The following ADAMTS12 variants were observed in gnomAD, a reference collection of about 807,000 sequenced individuals.
ADAMTS12 encodes ADAM metallopeptidase with thrombospondin type 1 motif 12.
In ADAMTS12, 118 loss-of-function variants were observed where a neutral mutation model predicts 167.8. The observed-to-expected ratio is 0.70, with a 90% CI of 0.61 to 0.82. The LOEUF is 0.82. ADAMTS12 is among the 40% of genes least tolerant of loss of function. The pLI, the probability that ADAMTS12 is intolerant of heterozygous loss-of-function variation, is 0.00. For synonymous variants in ADAMTS12, 704 were observed against 716.9 expected, an observed-to-expected ratio of 0.98 and a Z score of 0.29; for missense variants, 1,916 against 1,998.8, an observed-to-expected ratio of 0.96 and a Z score of 0.79.
chr5:33,543,696 G>A (rs1744818984), intron 22 of ADAMTS12, among the ~76,000 whole-genome samples: 2 of 152,272 alleles, frequency 1.3e-5, no homozygotes, highest in South Asian at 4.1e-4. Context: ...GGGATGCAAG[G>A]CTGGTTCAAT....
chr5:33,583,325 A>G (rs1007619933), intron 18 of ADAMTS12, among the ~76,000 whole-genome samples: 1 of 152,148 alleles, frequency 6.6e-6, no homozygotes, highest in Non-Finnish European at 1.5e-5. Context: ...ACTGAATCTC[A>G]TTCATTCCTA....
intron 19 of ADAMTS12, among the ~76,000 whole-genome samples, chr5:33,568,330 C>A (rs1203142883): frequency 6.6e-6 from 1 of 152,126 alleles, no homozygotes; most frequent in Non-Finnish European, 1.5e-5. Context: ...AGCTCAAATG[C>A]AAGCAATTAT....
intron 3 of ADAMTS12, among the ~76,000 whole-genome samples, chr5:33,739,218 AC>A (rs1348952424): frequency 1.3e-5 from 2 of 152,078 alleles, no homozygotes; most frequent in Non-Finnish European, 2.9e-5. Context: ...GAATGTTTAA[AC>A]ACACATGTAC....
intron 3 of ADAMTS12, among the ~76,000 whole-genome samples, chr5:33,749,151 T>C (rs1356788521): frequency 6.6e-6 from 1 of 152,204 alleles, no homozygotes; most frequent in Non-Finnish European, 1.5e-5. Flanking sequence ...AGTTCCTTTT[T>C]GATGACTTAC....
At position 33,791,983 on chromosome 5, in the gene ADAMTS12, C is replaced by T. The variant is rs145402290; in HGVS notation, c.490-40435G>A. On this transcript the variant is annotated intron_variant, in intron 2 of 23. Transcript: ENST00000504830. ...CATTTATACCTAGTCTTAGCTTAAA[C>T]GTGCTTTCACACTTTTTTTTTTTTT... is the stretch of plus-strand genomic sequence containing the variant. Among the ~76,000 whole-genome samples the T allele has an allele frequency of 6.0e-3, 881 of 148,060 alleles. 17 individuals are homozygous for T. Among genetic ancestry groups the T allele is most frequent in the African/African-American group, 0.021 (830 of 40,002 alleles).
chr5:33,833,234 C>A (rs1748373046), intron 2 of ADAMTS12, among the ~76,000 whole-genome samples: 1 of 152,232 alleles, frequency 6.6e-6, no homozygotes, highest in Non-Finnish European at 1.5e-5. Context: ...ACACCTCCAA[C>A]TGCATAACAG....
chr5:33,726,834 ATG>A (rs975300497), intron 3 of ADAMTS12, among the ~76,000 whole-genome samples: 2 of 152,034 alleles, frequency 1.3e-5, no homozygotes, highest in African/African-American at 4.8e-5. Flanking sequence ...TCATCCTTAC[ATG>A]TGTGTGGTGC....
At chr5:33,595,161 T>C (rs1001455291) in intron 17 of ADAMTS12, among the ~76,000 whole-genome samples, 12 of 152,118 alleles carry the variant, frequency 7.9e-5, no homozygotes, top group African/African-American at 1.7e-4. Flanking sequence ...CCTTTCTTTT[T>C]TTTCTCTCTC....
At chr5:33,814,284 G>A (rs1408455153) in intron 2 of ADAMTS12, among the ~76,000 whole-genome samples, 2 of 152,088 alleles carry the variant, frequency 1.3e-5, no homozygotes, top group Non-Finnish European at 2.9e-5. Flanking sequence ...ATGAGATAGA[G>A]GTTGAGATTT....
chr5:33,654,228 C>A (rs968934808), intron 7 of ADAMTS12, among the ~76,000 whole-genome samples: 1 of 152,088 alleles, frequency 6.6e-6, no homozygotes, highest in South Asian at 2.1e-4. Flanking sequence ...GATAATTGCT[C>A]ATTGAAGCTT....
intron 3 of ADAMTS12, among the ~76,000 whole-genome samples, chr5:33,717,490 C>T (rs1743656439): frequency 6.6e-6 from 1 of 152,154 alleles, no homozygotes; most frequent in Non-Finnish European, 1.5e-5. Flanking sequence ...CCTCATTTTA[C>T]AGACGAGGGA....
At chr5:33,781,779 CT>C (rs1426705248) in intron 2 of ADAMTS12, among the ~76,000 whole-genome samples, 1 of 151,802 alleles carries the variant, frequency 6.6e-6, no homozygotes, top group Admixed American at 6.6e-5. Context: ...ATGTGCCATG[CT>C]GGTGTGCTGC....
chr5:33,698,951 G>A (rs1200218566), intron 3 of ADAMTS12, among the ~76,000 whole-genome samples: 1 of 152,174 alleles, frequency 6.6e-6, no homozygotes, highest in African/African-American at 2.4e-5. Context: ...GAGGTCAGGA[G>A]TTCGAGACAA....
At chr5:33,791,369 A>G (rs958414422) in intron 2 of ADAMTS12, among the ~76,000 whole-genome samples, 3 of 152,222 alleles carry the variant, frequency 2.0e-5, no homozygotes, top group African/African-American at 7.2e-5. Context: ...ACTGTAAAAT[A>G]AGGGAGTTGG....
chr5:33,581,739 C>T (rs566654705), intron 18 of ADAMTS12, among the ~76,000 whole-genome samples: 4 of 152,142 alleles, frequency 2.6e-5, no homozygotes, highest in African/African-American at 9.6e-5. Flanking sequence ...CCCAATGCCC[C>T]CAATCTCAGA....
At chr5:33,606,646 T>C (rs4560551) in intron 16 of ADAMTS12, among the ~76,000 whole-genome samples, 88,163 of 151,986 alleles carry the variant, frequency 0.58, 25,848 homozygotes, top group East Asian at 0.82. Flanking sequence ...CTGACTAGAA[T>C]CTGTGGAGAA....
intron 11 of ADAMTS12, among the ~76,000 whole-genome samples, chr5:33,641,501 A>G (rs1740441008): frequency 6.6e-6 from 1 of 152,254 alleles, no homozygotes; most frequent in Admixed American, 6.5e-5. Context: ...TTAATTGTAT[A>G]ATCTCCTAGA....
At chr5:33,668,769 C>A (rs1741568071) in intron 5 of ADAMTS12, among the ~76,000 whole-genome samples, 1 of 152,218 alleles carries the variant, frequency 6.6e-6, no homozygotes, top group Admixed American at 6.5e-5. Context: ...CAGGCGTGAG[C>A]CTCCACACCC....
Position 33,624,225 on chromosome 5 carries a change from T to C in ADAMTS12, c.2143+6A>G, listed in dbSNP as rs199888372. On this transcript the variant is annotated splice_donor_region_variant and intron_variant, in intron 14 of 23. Coordinates refer to ENST00000504830, the MANE Select transcript of ADAMTS12 (RefSeq NM_030955.4). ...CTGCCACTTCGATTATTTATTTGTT[T>C]ATTACCAGATCCTTCCTTCTGCTTA... The C allele has an allele frequency of 1.9e-6, 3 of 1,613,936 alleles. No individual in the cohort carries two copies. The highest frequency in any genetic ancestry group is 2.5e-6 in the Non-Finnish European group (3 of 1,179,942).
Sources: allele counts gnomAD v4.1 joint callset (sites outside exome capture counted in the v4.1 genomes callset), GRCh38; gene constraint gnomAD v4.1.1; transcripts MANE v1.5; gene names NCBI Gene and HGNC (gene_info 2026-07-23, HGNC 2026-07-21).